Variants in MYO16 observed in about 807,000 individuals in gnomAD.
MYO16 encodes the protein myosin XVI.
Under a neutral mutation model 205.3 loss-of-function variants are expected in MYO16, and 94 were observed. The ratio of observed to expected loss-of-function variants is 0.46; its 90% confidence interval spans 0.39 to 0.54. The LOEUF is 0.54. Among genes scored for constraint, MYO16 ranks in the 20% least tolerant of loss-of-function variants. The probability of loss-of-function intolerance (pLI) is 0.00; values close to 1 mark genes in which losing one functional copy is unlikely to be tolerated. For synonymous variants in MYO16, 988 were observed against 954.0 expected, an observed-to-expected ratio of 1.04 and a Z score of -0.66; for missense variants, 2,315 against 2,387.5, an observed-to-expected ratio of 0.97 and a Z score of 0.63.
rs550541645 is a variant in MYO16 at position 108,767,696 on chromosome 13, TA to T, written c.508-17938del. On this transcript the variant is annotated intron_variant, in intron 4 of 34. Coordinates refer to ENST00000457511, the MANE Select transcript of MYO16 (RefSeq NM_001198950.3). ...AGAAGGCAGGTAATCAAACCAAATCTACTGCCTTCAACATTTCCTGGAGCCC... is the reference window on the plus strand; with the variant it reads ...AGAAGGCAGGTAATCAAACCAAATCTCTGCCTTCAACATTTCCTGGAGCCC... Among the ~76,000 whole-genome samples the T allele has an allele frequency of 1.5e-4, 23 of 152,306 alleles. 2 individuals carry two copies. In the South Asian group the frequency reaches 4.6e-3, roughly 30 times the overall value.
intron 16 of MYO16, among the ~76,000 whole-genome samples, chr13:108,938,594 G>A (rs920657113): frequency 6.6e-6 from 1 of 152,366 alleles, no homozygotes; most frequent in African/African-American, 2.4e-5. Flanking sequence ...CTCCAGGAGA[G>A]TGGGTGCTCC....
the MYO16 span, among the ~76,000 whole-genome samples, chr13:108,588,140 G>A: frequency 6.6e-6 from 1 of 152,062 alleles, no homozygotes; most frequent in Non-Finnish European, 1.5e-5. Flanking sequence ...TTCAGTTAAT[G>A]TTGTAGAGAT....
Position 109,168,959 on chromosome 13 carries a change from C to T in MYO16, c.5323+3900C>T, listed in dbSNP as rs77340702. On this transcript the variant is annotated intron_variant, in intron 33 of 34. Coordinates refer to ENST00000457511, the MANE Select transcript of MYO16 (RefSeq NM_001198950.3). ...ATGGCTGGGCTTTTAGTGTCCACATCAACTGAATAGTATATATTGTCCTGA... is the reference window on the plus strand; with the variant it reads ...ATGGCTGGGCTTTTAGTGTCCACATTAACTGAATAGTATATATTGTCCTGA... Among the ~76,000 whole-genome samples the T allele has an allele frequency of 3.4e-3, 519 of 152,148 alleles. 3 individuals carry two copies. Among genetic ancestry groups the T allele is most frequent in the African/African-American group, 0.011 (469 of 41,508 alleles).
chr13:109,156,084 A>G (rs948380272), intron 32 of MYO16, among the ~76,000 whole-genome samples: 1 of 152,236 alleles, frequency 6.6e-6, no homozygotes, highest in Non-Finnish European at 1.5e-5. Flanking sequence ...CCTCATGTGC[A>G]GTAATACAGG....
intron 14 of MYO16, among the ~76,000 whole-genome samples, chr13:108,892,039 T>C (rs1297708954): frequency 6.6e-6 from 1 of 152,164 alleles, no homozygotes; most frequent in African/African-American, 2.4e-5. Context: ...TATTTTATAC[T>C]TGTGAATTAT....
chr13:108,967,425 G>A (rs1189395281), intron 20 of MYO16, among the ~76,000 whole-genome samples: 1 of 152,110 alleles, frequency 6.6e-6, no homozygotes, highest in African/African-American at 2.4e-5. Context: ...TATCTTGCAG[G>A]TGAGGTTGAT....
chr13:108,649,357 C>T (rs1880898208), intron 1 of MYO16, among the ~76,000 whole-genome samples: 1 of 152,134 alleles, frequency 6.6e-6, no homozygotes, highest in Non-Finnish European at 1.5e-5. Context: ...CAGCCCAGTT[C>T]AGATTTCCAG....
At chr13:108,783,500 G>T (rs1886368413) in intron 4 of MYO16, among the ~76,000 whole-genome samples, 1 of 152,200 alleles carries the variant, frequency 6.6e-6, no homozygotes, top group African/African-American at 2.4e-5. Context: ...GGTTAATGCT[G>T]AATTGAGTTA....
intron 27 of MYO16, among the ~76,000 whole-genome samples, chr13:109,071,614 C>G (rs939335399): frequency 6.6e-6 from 1 of 152,104 alleles, no homozygotes; most frequent in Non-Finnish European, 1.5e-5. Context: ...TATTAAGTCT[C>G]TACAAGGCTA....
At chr13:108,709,002 C>T (rs542029635) in intron 2 of MYO16, among the ~76,000 whole-genome samples, 1 of 151,532 alleles carries the variant, frequency 6.6e-6, no homozygotes, top group Non-Finnish European at 1.5e-5. Context: ...CCCCCCACCC[C>T]CTCCCACAGG....
At chr13:108,496,058 C>T in the MYO16 span, among the ~76,000 whole-genome samples, 9 of 152,130 alleles carry the variant, frequency 5.9e-5, no homozygotes, top group Non-Finnish European at 1.2e-4. Flanking sequence ...GGAGGGTGCC[C>T]CGGGTCGGAC....
intron 4 of MYO16, among the ~76,000 whole-genome samples, chr13:108,748,904 C>A (rs2139630348): frequency 6.6e-6 from 1 of 152,090 alleles, no homozygotes; most frequent in African/African-American, 2.4e-5. Context: ...TCTAGGTGAC[C>A]TCTGATTTGG....
In MYO16 at chr13:108,629,654, C is replaced by T. The variant is rs1879884647; in HGVS notation, c.-191C>T. Reference sequence around the variant, plus strand: ...CCCACCGGGGAGAGGCTTATCTTAACTCCAGCTGCCGAATGAGAATGAGTT... The same window carrying T: ...CCCACCGGGGAGAGGCTTATCTTAATTCCAGCTGCCGAATGAGAATGAGTT... On this transcript the variant is annotated 5_prime_UTR_variant, in exon 1 of 35. Transcript: ENST00000457511. 3 of 538,388 alleles carry T rather than the reference C, an allele frequency of 5.6e-6. No individual in the cohort carries two copies. In the Admixed American group the frequency reaches 8.7e-5, roughly 16 times the overall value. 33.4% of individuals were successfully genotyped at this position (538,388 alleles called of 1,614,324 possible).
intron 7 of MYO16, among the ~76,000 whole-genome samples, chr13:108,812,306 C>T (rs1310505162): frequency 6.6e-6 from 1 of 152,158 alleles, no homozygotes; most frequent in Non-Finnish European, 1.5e-5. Flanking sequence ...ACCTTTTAGT[C>T]TGTAAGAAGT....
chr13:108,919,727 A>C (rs1347569908), intron 16 of MYO16, among the ~76,000 whole-genome samples: 7 of 152,224 alleles, frequency 4.6e-5, no homozygotes, highest in Admixed American at 3.3e-4. Flanking sequence ...TTATGAGTAA[A>C]TAAAATTATG....
intron 32 of MYO16, among the ~76,000 whole-genome samples, chr13:109,144,532 C>A (rs1877242577): frequency 6.6e-6 from 1 of 152,140 alleles, no homozygotes; most frequent in Non-Finnish European, 1.5e-5. Flanking sequence ...AATCCATTTT[C>A]TTCTGAATGA....
At position 109,140,395 on chromosome 13, in the gene MYO16, G is replaced by A; in HGVS notation, c.4183G>A (p.Asp1395Asn). Reference sequence around the variant, plus strand: ...GGAGATATCGGGGTCCCGGCCCGGGGACGCGAGGCCCGCGGGCGCCCCGGG... The same window carrying A: ...GGAGATATCGGGGTCCCGGCCCGGGAACGCGAGGCCCGCGGGCGCCCCGGG... ...YEEISGSRPGDARPAGAPGAA... is the reference protein window; with the variant it reads ...YEEISGSRPGNARPAGAPGAA... Residue 1395 changes from aspartate to asparagine, a missense_variant, in exon 32 of 35, where the codon GAC (aspartate) becomes AAC (asparagine). By Grantham distance (23) the Asp-to-Asn change is conservative. Transcript: ENST00000457511. This position sits in a 1 kb window ranked among gnomAD's most constrained non-coding sequence, Gnocchi z 8.0. 6.3e-7 allele frequency: 1 copy of A among 1,594,432 alleles called. No homozygotes were observed.
intron 24 of MYO16, among the ~76,000 whole-genome samples, chr13:109,049,502 C>T (rs562788244): frequency 6.6e-6 from 1 of 152,118 alleles, no homozygotes; most frequent in African/African-American, 2.4e-5. Context: ...AGGGAAAATA[C>T]AAAACTGGGT....
rs906591148 is a variant in MYO16, at chr13:108,709,388, G to A, written c.293-3273G>A. Reference sequence around the variant, plus strand: ...GAAGTTTTACTCTCTGATGCCGTTTGGGGTTAAGGGCACAATCACTGGAGT... The same window carrying A: ...GAAGTTTTACTCTCTGATGCCGTTTAGGGTTAAGGGCACAATCACTGGAGT... On this transcript the variant is annotated intron_variant, in intron 2 of 34. Transcript: ENST00000457511. 7.8e-5 allele frequency among the ~76,000 whole-genome samples: 11 copies of A among 141,450 alleles called. 3 individuals carry two copies. The highest frequency in any genetic ancestry group is 2.9e-4 in the African/African-American group (11 of 38,258). 92.8% of individuals were successfully genotyped at this position (141,450 alleles called of 152,430 possible).
Sources: allele counts gnomAD v4.1 joint callset (sites outside exome capture counted in the v4.1 genomes callset), GRCh38; gene constraint gnomAD v4.1.1; non-coding constraint Gnocchi (gnomAD v3.1); transcripts MANE v1.5; gene names NCBI Gene and HGNC (gene_info 2026-07-23, HGNC 2026-07-21).